Variants in MTM1 observed in about 807,000 individuals in gnomAD.
MTM1 encodes the protein myotubularin.
MTM1 carries 9 observed loss-of-function variants against 52.1 expected under a neutral mutation model. The ratio of observed to expected loss-of-function variants is 0.17; its 90% CI spans 0.10 to 0.30. MTM1 has a LOEUF of 0.30. Ranked by LOEUF, MTM1 falls within the 10% of genes least tolerant of loss-of-function variation. The pLI is 1.00. For synonymous variants in MTM1, 136 were observed against 163.8 expected (o/e 0.83, Z 1.29); for missense variants, 277 against 470.7 (o/e 0.59, Z 3.81).
intron 1 of MTM1, among the ~76,000 whole-genome samples, chrX:150,579,513 T>G (rs2038542445): frequency 9.0e-6 from 1 of 111,493 alleles, no homozygotes; most frequent in African/African-American, 3.3e-5. Context: ...TAAAGTTTTT[T>G]GAGACAGGGT....
chrX:150,566,608 G>GTGGGGCTGGGC (rs1411680351), upstream of MTM1, among the ~76,000 whole-genome samples: 2 of 110,678 alleles, frequency 1.8e-5, no homozygotes, highest in Non-Finnish European at 3.8e-5. Flanking sequence ...CTTTCTAGAG[G>GTGGGGCTGGGC]TGGGGCTGGG....
intron 10 of MTM1, among the ~76,000 whole-genome samples, chrX:150,654,788 A>G (rs1449814597): frequency 9.0e-6 from 1 of 111,682 alleles, no homozygotes; most frequent in African/African-American, 3.3e-5. Flanking sequence ...TTTTCTGTGA[A>G]TTAGTTAAAA....
At chrX:150,653,615 A>G (rs782395106) in intron 10 of MTM1, among the ~76,000 whole-genome samples, 9 of 112,032 alleles carry the variant, frequency 8.0e-5, no homozygotes, top group Non-Finnish European at 1.7e-4. Flanking sequence ...CTAACCTGTA[A>G]TCTGGTGAAA....
chrX:150,616,236 T>G (rs1399186329), intron 5 of MTM1, among the ~76,000 whole-genome samples: 4 of 111,851 alleles, frequency 3.6e-5, no homozygotes, highest in Non-Finnish European at 5.6e-5. Context: ...ATATGTATAT[T>G]TTTTGGAGTT....
intron 6 of MTM1, among the ~76,000 whole-genome samples, 155 bp downstream of exon 6, chrX:150,619,294 C>G (rs1469935391): frequency 1.8e-5 from 2 of 111,374 alleles, no homozygotes; most frequent in African/African-American, 6.6e-5. Context: ...TTCATCATTT[C>G]CAGAGGGAAC....
Position 150,592,479 on chromosome X carries a change from G to C in MTM1, c.-10-126G>C. ...TATGTCTTATTACCACTGGGGCCTA[G>C]TATGGAAATAGAACCTGTAAAGTAG... On this transcript the variant is annotated intron_variant, in intron 1 of 14. Transcript: ENST00000370396. The C allele has an allele frequency of 5.6e-6, 3 of 531,430 alleles. No individual in the cohort carries two copies. The Admixed American group carries it at 7.6e-5, about 13-fold the overall frequency. 43.8% of individuals were successfully genotyped at this position (531,430 alleles called of 1,213,427 possible).
chrX:150,615,699 CA>C (rs1345945488), intron 5 of MTM1, among the ~76,000 whole-genome samples: 5 of 111,927 alleles, frequency 4.5e-5, no homozygotes, highest in Non-Finnish European at 9.4e-5. Flanking sequence ...TCAAAACCAA[CA>C]TTGTGTGCTT....
chrX:150,590,951 A>G (rs1477194351), intron 1 of MTM1: 1 of 566,972 alleles, frequency 1.8e-6, no homozygotes, highest in Non-Finnish European at 2.1e-6. Flanking sequence ...AAAATTTCAG[A>G]GCAGATACAT....
intron 14 of MTM1, 52 bp downstream of exon 14, chrX:150,663,661 A>C: frequency 9.1e-7 from 1 of 1,093,596 alleles, no homozygotes; most frequent in South Asian, 1.9e-5. Flanking sequence ...CTTGCCTTAG[A>C]TAATGTTATT....
intron 1 of MTM1, among the ~76,000 whole-genome samples, chrX:150,572,299 A>G (rs2038391642): frequency 8.9e-6 from 1 of 111,877 alleles, no homozygotes; most frequent in African/African-American, 3.3e-5. Context: ...AATGTGCCTC[A>G]GAGCCCTTTG....
At chrX:150,619,978 A>T (rs1484134275) in intron 6 of MTM1, among the ~76,000 whole-genome samples, 2 of 111,962 alleles carry the variant, frequency 1.8e-5, no homozygotes, top group African/African-American at 6.5e-5. Flanking sequence ...CTTGGGAACA[A>T]ATGTGCTGAT....
intron 1 of MTM1, among the ~76,000 whole-genome samples, chrX:150,583,439 A>G (rs1358779803): frequency 5.7e-5 from 2 of 34,786 alleles, no homozygotes; most frequent in East Asian, 2.1e-3. Context: ...AATATATAAA[A>G]ATTATATATA....
chrX:150,645,174 T>C (rs2039908911), intron 8 of MTM1, among the ~76,000 whole-genome samples: 1 of 111,580 alleles, frequency 9.0e-6, no homozygotes, highest in African/African-American at 3.3e-5. Context: ...CTATGCTCTT[T>C]GGGCTGTCCT....
At chrX:150,621,272 T>TC (rs1216945320) in intron 6 of MTM1, among the ~76,000 whole-genome samples, 19 of 109,516 alleles carry the variant, frequency 1.7e-4, no homozygotes, top group African/African-American at 5.7e-4. Flanking sequence ...GCTTTTCAGT[T>TC]CCCCCCCTGC....
At chrX:150,583,880 A>T (rs1405821450) in intron 1 of MTM1, among the ~76,000 whole-genome samples, 1 of 38,531 alleles carries the variant, frequency 2.6e-5, no homozygotes, top group African/African-American at 1.1e-4. Flanking sequence ...ATATATATTA[A>T]ATATATATAT....
At position 150,645,765 on chromosome X, in the gene MTM1, A is replaced by G; in HGVS notation, c.761A>G (p.Asn254Ser). The change falls in exon 9 of 15, where the codon AAT (asparagine) becomes AGT (serine). Residue 254 changes from asparagine (N) to serine (S), a missense_variant. Coordinates refer to ENST00000370396, the MANE Select transcript of MTM1 (RefSeq NM_000252.3). ...QPLVGMSGKR[N>S]KDDEKYLDVI... ...CTTGTCGGTATGAGTGGGAAACGAA[A>G]TAAAGATGATGAGAAATATCTCGAT... 3 of 1,210,373 alleles carry G rather than the reference A, an allele frequency of 2.5e-6. No individual in the cohort carries two copies. Among genetic ancestry groups the G allele is most frequent in the Non-Finnish European group, 3.4e-6 (3 of 894,174 alleles).
At chrX:150,626,471 G>A (rs1456665833) in intron 6 of MTM1, among the ~76,000 whole-genome samples, 1 of 110,100 alleles carries the variant, frequency 9.1e-6, no homozygotes, top group Non-Finnish European at 1.9e-5. Flanking sequence ...TCACCACCAC[G>A]CCCGACTAAT....
chrX:150,632,936 C>G (rs2039694365), intron 6 of MTM1, among the ~76,000 whole-genome samples: 1 of 110,598 alleles, frequency 9.0e-6, no homozygotes, highest in African/African-American at 3.3e-5. Flanking sequence ...CCACATAGAT[C>G]CAGAGCTCTG....
chrX:150,577,900 C>G (rs782124947), intron 1 of MTM1, among the ~76,000 whole-genome samples: 1 of 112,204 alleles, frequency 8.9e-6, no homozygotes. Context: ...TAGTCCTGCT[C>G]TTATGTTTAG....
Sources: gnomAD v4.1 joint callset for allele counts (sites outside exome capture counted in the v4.1 genomes callset) on GRCh38, gnomAD v4.1.1 for gene constraint, MANE v1.5 for transcripts, NCBI Gene and HGNC (gene_info 2026-07-23, HGNC 2026-07-21) for gene names.